GRK5: variants seen among roughly 807,000 people sequenced by gnomAD.
GRK5 encodes g protein-coupled receptor kinase GRK5.
Under a neutral mutation model 78.4 loss-of-function variants are expected in GRK5, and 40 were observed. The ratio of observed to expected loss-of-function variants is 0.51; its 90% CI spans 0.40 to 0.66. GRK5 has a LOEUF of 0.66. Among genes scored for constraint, GRK5 ranks in the 30% least tolerant of loss-of-function variants. The pLI is 0.00. For synonymous variants in GRK5, 289 were observed against 296.8 expected, an observed-to-expected ratio of 0.97 and a Z score of 0.27; for missense variants, 598 against 759.9, an observed-to-expected ratio of 0.79 and a Z score of 2.50.
At chr10:119,444,656 A>G (rs369156293) in intron 12 of GRK5, among the ~76,000 whole-genome samples, 1 of 152,102 alleles carries the variant, frequency 6.6e-6, no homozygotes, top group Non-Finnish European at 1.5e-5. Context: ...GGGCCGGAGC[A>G]CCCAGCTCCA....
intron 2 of GRK5, among the ~76,000 whole-genome samples, chr10:119,356,641 G>A (rs78902832): frequency 0.013 from 2,027 of 152,220 alleles, 37 homozygotes; most frequent in African/African-American, 0.042. Context: ...GGCTCTTCCA[G>A]TTCCTCTTCT....
chr10:119,280,169 C>T (rs193178360), intron 1 of GRK5, among the ~76,000 whole-genome samples: 1 of 152,292 alleles, frequency 6.6e-6, no homozygotes, highest in African/African-American at 2.4e-5. Context: ...CCGTGCAGAA[C>T]AGCTGCAGGA....
chr10:119,396,656 GCAAACCTGTTATTGTTCTTTTTT>G lies in GRK5; in HGVS notation c.262-37_262-15del. On this transcript the variant is annotated splice_polypyrimidine_tract_variant and intron_variant, in intron 3 of 15. Coordinates refer to ENST00000392870, the MANE Select transcript of GRK5 (RefSeq NM_005308.3). Reference sequence around the variant, plus strand: ...TTCTGTAACTATAAGAAGCTCATGAGCAAACCTGTTATTGTTCTTTTTTCTCCTTCTGTTTTAGGCAGAATATG... The same window carrying G: ...TTCTGTAACTATAAGAAGCTCATGAGCTCCTTCTGTTTTAGGCAGAATATG... 6.5e-7 allele frequency: 1 copy of G among 1,533,144 alleles called. No individual in the cohort carries two copies. The highest frequency in any genetic ancestry group is 9.0e-7 in the Non-Finnish European group (1 of 1,106,122). The allele number at this position is 1,533,144 out of a possible 1,614,324, so 95.0% of individuals were successfully genotyped here. A position where few individuals can be genotyped will look rare whatever the true frequency, so the allele number is the denominator to read the frequency against.
At chr10:119,362,948 G>A (rs1343237523) in intron 2 of GRK5, among the ~76,000 whole-genome samples, 1 of 152,188 alleles carries the variant, frequency 6.6e-6, no homozygotes, top group Non-Finnish European at 1.5e-5. Context: ...AAGTGAAGAA[G>A]GTGGGTATAG....
At chr10:119,280,883 A>G in intron 1 of GRK5, among the ~76,000 whole-genome samples, 1 of 150,678 alleles carries the variant, frequency 6.6e-6, no homozygotes, top group African/African-American at 2.4e-5. Context: ...GGGTTCAAGC[A>G]ATTCTCCTTC....
intron 2 of GRK5, among the ~76,000 whole-genome samples, chr10:119,375,916 A>G (rs1308780526): frequency 6.6e-6 from 1 of 152,226 alleles, no homozygotes; most frequent in Non-Finnish European, 1.5e-5. Flanking sequence ...AATAGCTCCC[A>G]AACCAATGAC....
chr10:119,367,535 A>G (rs1427066440), intron 2 of GRK5, among the ~76,000 whole-genome samples: 1 of 152,224 alleles, frequency 6.6e-6, no homozygotes, highest in Admixed American at 6.5e-5. Context: ...GTGTGGTCAC[A>G]TGGTTGGCTG....
At chr10:119,374,376 A>G (rs1443113269) in intron 2 of GRK5, among the ~76,000 whole-genome samples, 1 of 152,164 alleles carries the variant, frequency 6.6e-6, no homozygotes, top group Admixed American at 6.5e-5. Flanking sequence ...TGGTATCTTT[A>G]GTGGCTTACA....
At chr10:119,251,034 T>G (rs1037802622) in intron 1 of GRK5, among the ~76,000 whole-genome samples, 5 of 152,176 alleles carry the variant, frequency 3.3e-5, no homozygotes, top group East Asian at 1.9e-4. Flanking sequence ...ACCTTGTGCA[T>G]GAGGGGAAAA....
chr10:119,417,748 A>C (rs1852490334), intron 4 of GRK5, among the ~76,000 whole-genome samples: 1 of 152,176 alleles, frequency 6.6e-6, no homozygotes, highest in Admixed American at 6.5e-5. Context: ...AGATGAGGAC[A>C]AAAAGGAGGG....
intron 1 of GRK5, among the ~76,000 whole-genome samples, chr10:119,288,848 C>A (rs190291460): frequency 6.6e-6 from 1 of 152,316 alleles, no homozygotes; most frequent in East Asian, 1.9e-4. Context: ...GAGGCGAATG[C>A]GGAACATGGT....
At chr10:119,346,472 G>A (rs1445125137) in intron 2 of GRK5, among the ~76,000 whole-genome samples, 1 of 152,248 alleles carries the variant, frequency 6.6e-6, no homozygotes, top group Non-Finnish European at 1.5e-5. Context: ...CATGGGGCCA[G>A]GTTTATAGAG....
At chr10:119,444,054 G>A (rs748348179) in intron 12 of GRK5, among the ~76,000 whole-genome samples, 4 of 152,144 alleles carry the variant, frequency 2.6e-5, no homozygotes, top group Admixed American at 6.5e-5. Flanking sequence ...CACACAGGGC[G>A]GAGAAGAGAT....
At chr10:119,408,543 C>T (rs1564923181) in intron 4 of GRK5, among the ~76,000 whole-genome samples, 2 of 152,074 alleles carry the variant, frequency 1.3e-5, no homozygotes, top group Non-Finnish European at 2.9e-5. Context: ...TAATACATGC[C>T]CCAATGTGGA....
chr10:119,392,704 AAG>A (rs79019000), intron 3 of GRK5, among the ~76,000 whole-genome samples: 4,281 of 152,180 alleles, frequency 0.028, 177 homozygotes, highest in East Asian at 0.17. Context: ...GCCCCTGGCT[AAG>A]AGAGCTTTAA....
chr10:119,253,894 G>C lies in GRK5; in HGVS notation c.52+45925G>C, dbSNP rs1027534436. Among the ~76,000 whole-genome samples, 1 of 151,734 alleles carries C rather than the reference G, an allele frequency of 6.6e-6. No homozygotes were observed. Among genetic ancestry groups the C allele is most frequent in the African/African-American group, 2.4e-5 (1 of 41,276 alleles). ...TGTGTACACATGTGTGTGCGTGCAT[G>C]CTTTTTCATGAGGCACACTTATTTT... is the stretch of plus-strand genomic sequence containing the variant. On this transcript the variant is annotated intron_variant, in intron 1 of 15. Transcript: ENST00000392870. This position sits in a 1 kb window ranked among gnomAD's most constrained non-coding sequence, Gnocchi z 5.7.
chr10:119,351,372 G>A (rs1564901427), intron 2 of GRK5, among the ~76,000 whole-genome samples: 1 of 152,182 alleles, frequency 6.6e-6, no homozygotes, highest in African/African-American at 2.4e-5. Flanking sequence ...GGACCTGATG[G>A]GAGATAGTTG....
At chr10:119,262,178 A>G (rs989345186) in intron 1 of GRK5, among the ~76,000 whole-genome samples, 4 of 152,176 alleles carry the variant, frequency 2.6e-5, no homozygotes, top group African/African-American at 9.7e-5. Flanking sequence ...GCAGCCAATC[A>G]GCCCACCAGG....
intron 1 of GRK5, among the ~76,000 whole-genome samples, chr10:119,223,491 C>G (rs1848688922): frequency 6.6e-6 from 1 of 152,004 alleles, no homozygotes; most frequent in Non-Finnish European, 1.5e-5. Flanking sequence ...AACTGCTGCT[C>G]TATAGAACCC....
Sources: gnomAD v4.1 joint callset for allele counts (sites outside exome capture counted in the v4.1 genomes callset) on GRCh38, gnomAD v4.1.1 for gene constraint, Gnocchi (gnomAD v3.1) non-coding constraint, MANE v1.5 for transcripts, NCBI Gene and HGNC (gene_info 2026-07-23, HGNC 2026-07-21) for gene names.